Variants in KCNH1 observed in about 807,000 individuals in gnomAD.
KCNH1 encodes the protein voltage-gated delayed rectifier potassium channel KCNH1.
In KCNH1, 27 loss-of-function variants were observed where a neutral mutation model predicts 69.2. That is an observed-to-expected ratio of 0.39 (90% CI 0.29 to 0.54). The LOEUF (loss-of-function observed/expected upper bound fraction) is 0.54, where lower values mean the gene tolerates loss of function less well. Among genes scored for constraint, KCNH1 ranks in the 20% least tolerant of loss-of-function variants. The probability of loss-of-function intolerance (pLI) is 0.68; values close to 1 mark genes in which losing one functional copy is unlikely to be tolerated. For missense variants in KCNH1, 798 were observed against 1,261.6 expected (o/e 0.63, Z 5.57); for synonymous variants, 456 against 487.7 (o/e 0.93, Z 0.86).
intron 1 of KCNH1, among the ~76,000 whole-genome samples, chr1:211,113,040 T>TA (rs1691502660): frequency 6.6e-6 from 1 of 152,230 alleles, no homozygotes; most frequent in Non-Finnish European, 1.5e-5. Flanking sequence ...CATTTATTGA[T>TA]AATTACTCTT....
At chr1:210,754,361 CCTT>C (rs10535638) in intron 10 of KCNH1, among the ~76,000 whole-genome samples, 11,392 of 152,184 alleles carry the variant, frequency 0.075, 473 homozygotes, top group Admixed American at 0.11. Flanking sequence ...GATTATCCAG[CCTT>C]CTTCTCCCTG....
intron 7 of KCNH1, among the ~76,000 whole-genome samples, chr1:210,843,615 T>G (rs1279925687): frequency 6.6e-6 from 1 of 152,104 alleles, no homozygotes; most frequent in Non-Finnish European, 1.5e-5. Context: ...CAAGGCTAAT[T>G]AAAAACAACC....
At chr1:210,783,389 G>C (rs1378741777) in intron 9 of KCNH1, among the ~76,000 whole-genome samples, 5 of 152,182 alleles carry the variant, frequency 3.3e-5, no homozygotes, top group African/African-American at 1.2e-4. Flanking sequence ...GGCTTAGGTA[G>C]GTTTCCAGCT....
intron 7 of KCNH1, among the ~76,000 whole-genome samples, chr1:210,814,598 C>T (rs928419414): frequency 6.6e-6 from 1 of 152,006 alleles, no homozygotes; most frequent in Non-Finnish European, 1.5e-5. Flanking sequence ...AATTCATGGC[C>T]CTGTCACTAA....
chr1:211,022,516 C>A (rs1689604809), intron 5 of KCNH1, among the ~76,000 whole-genome samples: 1 of 152,098 alleles, frequency 6.6e-6, no homozygotes, highest in South Asian at 2.1e-4. Context: ...GCAAAGTAAA[C>A]AATCAACAGA....
In KCNH1 at chr1:210,683,355, A is replaced by G. The variant is rs777965997; in HGVS notation, c.2896T>C (p.Ser966Pro). ...GATATTTCAAACAACTCCTGAGGAG[A>G]CTGAGAGGATCTTCTGGAAGTTAAT... ...RILTSRRSSQ[S>P]PQELFEISRP... is the part of the protein sequence containing the mutation. The change falls in exon 11 of 11, where the codon TCT becomes CCT. Residue 966 changes from serine to proline, a missense_variant. Ser to Pro is a moderately conservative substitution (Grantham distance 74, BLOSUM62 -1). Transcript: ENST00000271751. This position sits in a 1 kb window ranked among gnomAD's most constrained non-coding sequence, Gnocchi z 5.7. 3 of 1,613,940 alleles carry G rather than the reference A, an allele frequency of 1.9e-6. No individual in the cohort carries two copies. Among genetic ancestry groups the G allele is most frequent in the Non-Finnish European group, 1.7e-6 (2 of 1,179,964 alleles).
At chr1:211,020,206 C>G (rs1051790943) in intron 5 of KCNH1, among the ~76,000 whole-genome samples, 1 of 151,818 alleles carries the variant, frequency 6.6e-6, no homozygotes, top group Non-Finnish European at 1.5e-5. Flanking sequence ...AATGAAATGA[C>G]AAGCTGGGTT....
intron 10 of KCNH1, among the ~76,000 whole-genome samples, chr1:210,707,656 C>T (rs528087001): frequency 6.6e-6 from 1 of 152,134 alleles, no homozygotes; most frequent in Non-Finnish European, 1.5e-5. Flanking sequence ...GTTTAATGCT[C>T]CAGCCCAGTG....
chr1:210,707,357 C>A (rs1681939425), intron 10 of KCNH1, among the ~76,000 whole-genome samples: 1 of 152,142 alleles, frequency 6.6e-6, no homozygotes, highest in African/African-American at 2.4e-5. Flanking sequence ...GACAGTCTGC[C>A]TGTAATAAGG....
intron 7 of KCNH1, among the ~76,000 whole-genome samples, chr1:210,823,078 G>A (rs551448581): frequency 1.7e-4 from 26 of 152,240 alleles, no homozygotes; most frequent in African/African-American, 6.3e-4. Flanking sequence ...ATTCCTCTCT[G>A]TGTGAGCTGC....
In KCNH1 at chr1:210,874,426, G is replaced by A. The variant is rs895794645; in HGVS notation, c.1462+45214C>T. On this transcript the variant is annotated intron_variant, in intron 7 of 10. Transcript: ENST00000271751. ...GACTTACCCTAGAAATATAAGAAGTGGCCAATATTAGAAAATCTGGCAAAC... is the reference window on the plus strand; with the variant it reads ...GACTTACCCTAGAAATATAAGAAGTAGCCAATATTAGAAAATCTGGCAAAC... Among the ~76,000 whole-genome samples, 4 of 152,184 alleles carry A rather than the reference G, an allele frequency of 2.6e-5. No homozygotes were observed. In the East Asian group the frequency reaches 7.7e-4, roughly 29 times the overall value.
intron 10 of KCNH1, among the ~76,000 whole-genome samples, chr1:210,771,089 T>C (rs1683744640): frequency 6.6e-6 from 1 of 152,198 alleles, no homozygotes; most frequent in South Asian, 2.1e-4. Context: ...CTGGAGTTGG[T>C]AATAATTTAC....
At chr1:210,969,095 C>T (rs1159050188) in intron 6 of KCNH1, among the ~76,000 whole-genome samples, 1 of 152,016 alleles carries the variant, frequency 6.6e-6, no homozygotes, top group Non-Finnish European at 1.5e-5. Flanking sequence ...ATTAAACCAC[C>T]TGTATATTCT....
chr1:211,111,127 T>TA (rs1289000882), intron 1 of KCNH1, among the ~76,000 whole-genome samples: 1 of 152,178 alleles, frequency 6.6e-6, no homozygotes, highest in African/African-American at 2.4e-5. Flanking sequence ...ATTTTTTACT[T>TA]ACTGAAAAAT....
chr1:210,703,982 C>T (rs1453045456), intron 10 of KCNH1, among the ~76,000 whole-genome samples: 1 of 152,078 alleles, frequency 6.6e-6, no homozygotes, highest in African/African-American at 2.4e-5. Context: ...CCCCATAGGC[C>T]AAGTGCTCTA....
At chr1:210,754,272 T>C (rs1416220972) in intron 10 of KCNH1, among the ~76,000 whole-genome samples, 1 of 152,116 alleles carries the variant, frequency 6.6e-6, no homozygotes, top group Non-Finnish European at 1.5e-5. Context: ...CCAAGCCAAG[T>C]AGACCTGACC....
chr1:210,817,521 C>T (rs1352350562), intron 7 of KCNH1, among the ~76,000 whole-genome samples: 2 of 152,076 alleles, frequency 1.3e-5, no homozygotes, highest in East Asian at 1.9e-4. Context: ...CCCAAAGTCA[C>T]CCAGCCAGTA....
intron 7 of KCNH1, among the ~76,000 whole-genome samples, chr1:210,893,890 C>G (rs1295486726): frequency 6.6e-6 from 1 of 152,066 alleles, no homozygotes; most frequent in Admixed American, 6.6e-5. Context: ...TGCCATTAAT[C>G]CTACCTAATG....
chr1:210,694,619 AG>A (rs1456311077), intron 10 of KCNH1, among the ~76,000 whole-genome samples: 1 of 152,240 alleles, frequency 6.6e-6, no homozygotes, highest in East Asian at 1.9e-4. Context: ...GGAGCTGGGC[AG>A]GCCCTAGTCC....
Sources: allele counts gnomAD v4.1 joint callset (sites outside exome capture counted in the v4.1 genomes callset), GRCh38; gene constraint gnomAD v4.1.1; non-coding constraint Gnocchi (gnomAD v3.1); transcripts MANE v1.5; gene names NCBI Gene and HGNC (gene_info 2026-07-23, HGNC 2026-07-21).